Variants in FLVCR2 observed in about 807,000 individuals in gnomAD.
FLVCR2 encodes FLVCR choline and putative heme transporter 2, also known as choline/ethanolamine transporter FLVCR2.
FLVCR2 carries 38 observed loss-of-function variants against 48.9 expected under a neutral mutation model. The observed-to-expected ratio is 0.78, with a 90% CI of 0.60 to 1.02. FLVCR2 has a LOEUF of 1.02. Among genes scored for constraint, FLVCR2 ranks in the 50% least tolerant of loss-of-function variants. FLVCR2 has a pLI of 0.00. For missense variants in FLVCR2, 664 were observed against 663.3 expected (o/e 1.00, Z -0.01); for synonymous variants, 255 against 257.0 (o/e 0.99, Z 0.07).
At chr14:75,614,641 G>A (rs910316414) in intron 1 of FLVCR2, among the ~76,000 whole-genome samples, 4 of 152,192 alleles carry the variant, frequency 2.6e-5, no homozygotes, top group Non-Finnish European at 5.9e-5. Context: ...GGTCTGGAAA[G>A]GAAGGTTGAA....
At chr14:75,583,644 C>T (rs540665757) in intron 1 of FLVCR2, among the ~76,000 whole-genome samples, 8 of 152,140 alleles carry the variant, frequency 5.3e-5, no homozygotes, top group African/African-American at 1.9e-4. Context: ...TAAAATGCCT[C>T]GGACCTAATA....
intron 1 of FLVCR2, among the ~76,000 whole-genome samples, chr14:75,609,544 T>C (rs1889384480): frequency 6.6e-6 from 1 of 152,208 alleles, no homozygotes; most frequent in African/African-American, 2.4e-5. Context: ...AGTTAACTTA[T>C]GAAGTTGGCT....
At chr14:75,595,301 A>G (rs909455436) in intron 1 of FLVCR2, among the ~76,000 whole-genome samples, 5 of 152,260 alleles carry the variant, frequency 3.3e-5, no homozygotes, top group African/African-American at 1.2e-4. Context: ...TTGGATAAAC[A>G]TAACCAGCTG....
At chr14:75,639,205 T>C (rs571073305) in intron 5 of FLVCR2, 147 bp from the exon 6 acceptor site, 1 of 694,932 alleles carries the variant, frequency 1.4e-6, no homozygotes, top group East Asian at 2.8e-5. Context: ...AGCAAGACAC[T>C]GTCTCTGAAA....
chr14:75,588,801 G>A (rs1240132938), intron 1 of FLVCR2, among the ~76,000 whole-genome samples: 2 of 152,134 alleles, frequency 1.3e-5, no homozygotes, highest in African/African-American at 2.4e-5. Flanking sequence ...AACTTTAAGG[G>A]ACACATTCAA....
Position 75,579,558 on chromosome 14 carries a change from G to T in FLVCR2, c.586G>T (p.Gly196Cys). ...ICSVAQVFILGMPSRIASVWF... is the reference protein window; with the variant it reads ...ICSVAQVFILCMPSRIASVWF... Reference sequence around the variant, plus strand: ...CTCTGTGGCCCAGGTTTTCATCCTGGGCATGCCCTCCCGCATCGCTTCCGT... The same window carrying T: ...CTCTGTGGCCCAGGTTTTCATCCTGTGCATGCCCTCCCGCATCGCTTCCGT... The change falls in exon 1 of 10, where the codon GGC becomes TGC. Residue 196 changes from glycine to cysteine, a missense_variant. Gly to Cys is a radical substitution (Grantham distance 159, BLOSUM62 -3). Transcript: ENST00000238667. The T allele has an allele frequency of 6.2e-7, 1 of 1,613,996 alleles. No homozygotes were observed. Among genetic ancestry groups the T allele is most frequent in the South Asian group, 1.1e-5 (1 of 91,078 alleles).
At chr14:75,638,066 G>A (rs1890213949) in intron 5 of FLVCR2, among the ~76,000 whole-genome samples, 1 of 152,194 alleles carries the variant, frequency 6.6e-6, no homozygotes, top group Non-Finnish European at 1.5e-5. Flanking sequence ...TGGAAGTCAA[G>A]CACTCAGTTC....
rs75483942 is a variant in FLVCR2, at chr14:75,605,936, G to A, written c.670-16143G>A. ...GGCTGGGTCTCCTTTGGCGGCTCTA[G>A]AGGTAGCTGTCTGTATGCAAGTCTA... On this transcript the variant is annotated intron_variant, in intron 1 of 9. Coordinates refer to ENST00000238667, the MANE Select transcript of FLVCR2 (RefSeq NM_017791.3). 574 of 398,612 alleles carry A rather than the reference G, an allele frequency of 1.4e-3. 11 individuals carry two copies. The East Asian group carries it at 0.019, about 13-fold the overall frequency. 24.7% of individuals were successfully genotyped at this position (398,612 alleles called of 1,614,324 possible).
chr14:75,645,699 C>T (rs755300781), intron 9 of FLVCR2, among the ~76,000 whole-genome samples: 2 of 152,122 alleles, frequency 1.3e-5, no homozygotes, highest in African/African-American at 2.4e-5. Flanking sequence ...GAGTGGATCA[C>T]CTGAGGTCAG....
At chr14:75,631,543 G>A (rs1466643627) in intron 3 of FLVCR2, among the ~76,000 whole-genome samples, 1 of 152,150 alleles carries the variant, frequency 6.6e-6, no homozygotes, top group Non-Finnish European at 1.5e-5. Flanking sequence ...AGTCCTTCTG[G>A]ATAATTTCCT....
At chr14:75,633,796 G>C in intron 4 of FLVCR2, 100 bp downstream of exon 4, 1 of 907,180 alleles carries the variant, frequency 1.1e-6, no homozygotes, top group Non-Finnish European at 1.8e-6. Flanking sequence ...ATTCCCCCCA[G>C]TTCTAGGTAG....
intron 1 of FLVCR2, among the ~76,000 whole-genome samples, chr14:75,587,606 C>T (rs1046040650): frequency 1.4e-4 from 21 of 152,188 alleles, no homozygotes; most frequent in Non-Finnish European, 2.8e-4. Context: ...AGGCCCTTCC[C>T]TTTTCTTGGT....
rs951441462 is a variant in FLVCR2 at position 75,595,964 on chromosome 14, A to G, written c.669+16323A>G. On this transcript the variant is annotated intron_variant, in intron 1 of 9. Coordinates refer to ENST00000238667, the MANE Select transcript of FLVCR2 (RefSeq NM_017791.3). The stretch of plus-strand genomic sequence containing the variant: ...TATGTTTGGGTTCATTTTTCTTTGC[A>G]TAATCCAGGGGATCATAAATCATGC... The G allele has an allele frequency of 2.0e-6, 3 of 1,519,232 alleles. No homozygotes were observed. In the African/African-American group the frequency reaches 4.1e-5, roughly 21 times the overall value. The allele number at this position is 1,519,232 out of a possible 1,614,324, so 94.1% of individuals were successfully genotyped here.
rs757198109 is a variant in FLVCR2, at chr14:75,579,025, A to T, written c.53A>T (p.Glu18Val). The T allele has an allele frequency of 1.2e-5, 19 of 1,613,974 alleles. No individual in the cohort carries two copies. In the African/African-American group the frequency reaches 2.5e-4, roughly 22 times the overall value. ...GAGAGCGATGACACCCCTGTGCCGG[A>T]GTCCGCACTCCAAGCGGACCCCAGC... ...QEESDDTPVPESALQADPSVS... is the reference protein window; with the variant it reads ...QEESDDTPVPVSALQADPSVS... The change falls in exon 1 of 10, where the codon GAG becomes GTG. Residue 18 changes from glutamate to valine, a missense_variant. Coordinates refer to ENST00000238667, the MANE Select transcript of FLVCR2 (RefSeq NM_017791.3).
At chr14:75,644,010 C>T (rs1890360205) in intron 9 of FLVCR2, among the ~76,000 whole-genome samples, 1 of 150,216 alleles carries the variant, frequency 6.7e-6, no homozygotes, top group Admixed American at 6.6e-5. Flanking sequence ...TGCACTCCAG[C>T]CTGGGTGACA....
intron 3 of FLVCR2, 126 bp downstream of exon 3, chr14:75,624,878 TC>T: frequency 1.7e-6 from 2 of 1,168,218 alleles, no homozygotes; most frequent in Non-Finnish European, 2.5e-6. Flanking sequence ...CTAGGGTCAA[TC>T]CAGAGGACCC....
Position 75,634,928 on chromosome 14 carries a change from GGAAGAATTGGCCTGAC to G in FLVCR2, c.1042_1057del (p.Arg348SerfsTer10). ...TCCCCAGGGGGAAGAAGTGAATGCT[GGAAGAATTGGCCTGAC>G]GATCGTCATTGCAGGAATGCTTGGG... On this transcript the variant is annotated frameshift_variant, in exon 5 of 10. Coordinates refer to ENST00000238667, the MANE Select transcript of FLVCR2 (RefSeq NM_017791.3). LOFTEE classifies it high-confidence loss of function. 1 of 1,613,622 alleles carries G rather than the reference GGAAGAATTGGCCTGAC, an allele frequency of 6.2e-7. No homozygotes were observed. The highest frequency in any genetic ancestry group is 8.5e-7 in the Non-Finnish European group (1 of 1,179,572).
At chr14:75,617,459 A>G (rs1889646052) in intron 1 of FLVCR2, among the ~76,000 whole-genome samples, 1 of 152,206 alleles carries the variant, frequency 6.6e-6, no homozygotes, top group African/African-American at 2.4e-5. Flanking sequence ...TTCATTCATC[A>G]CATTTTTTGT....
intron 1 of FLVCR2, among the ~76,000 whole-genome samples, chr14:75,601,867 G>A (rs918957294): frequency 7.9e-5 from 12 of 152,100 alleles, no homozygotes; most frequent in African/African-American, 1.9e-4. Flanking sequence ...ATACATATAC[G>A]TTGTTATATA....
Sources: gnomAD v4.1 joint callset for allele counts (sites outside exome capture counted in the v4.1 genomes callset) on GRCh38, gnomAD v4.1.1 for gene constraint, MANE v1.5 for transcripts, NCBI Gene and HGNC (gene_info 2026-07-23, HGNC 2026-07-21) for gene names.